CACNA2D1: variants seen among roughly 807,000 people sequenced by gnomAD.
The protein encoded by CACNA2D1 is calcium voltage-gated channel auxiliary subunit alpha2delta 1.
CACNA2D1 carries 53 observed loss-of-function variants against 171.5 expected under a neutral mutation model. The ratio of observed to expected loss-of-function variants is 0.31; its 90% confidence interval spans 0.25 to 0.39. The LOEUF (loss-of-function observed/expected upper bound fraction) is 0.39. Among genes scored for constraint, CACNA2D1 ranks in the 10% least tolerant of loss-of-function variants. The probability of loss-of-function intolerance (pLI) is 1.00; values close to 1 mark genes in which losing one functional copy is unlikely to be tolerated. For missense variants in CACNA2D1, 903 were observed against 1,299.8 expected (o/e 0.69, Z 4.69); for synonymous variants, 442 against 443.1 (o/e 1.00, Z 0.03).
chr7:82,313,586 C>T (rs1351475527), intron 3 of CACNA2D1, among the ~76,000 whole-genome samples: 3 of 152,200 alleles, frequency 2.0e-5, no homozygotes, highest in African/African-American at 7.2e-5. Context: ...TCTTGCCATG[C>T]TCCAAGCTCC....
At chr7:82,204,275 C>T (rs141018102) in intron 3 of CACNA2D1, among the ~76,000 whole-genome samples, 20 of 152,236 alleles carry the variant, frequency 1.3e-4, no homozygotes, top group Admixed American at 3.9e-4. Flanking sequence ...TAACCTGCAC[C>T]GACAGCTGGG....
intron 2 of CACNA2D1, among the ~76,000 whole-genome samples, chr7:82,341,146 T>G (rs1198038405): frequency 6.6e-6 from 1 of 152,202 alleles, no homozygotes; most frequent in Non-Finnish European, 1.5e-5. Flanking sequence ...AATGTCTTCT[T>G]TCTAAAAGGT....
chr7:82,109,963 C>T (rs952602793), intron 6 of CACNA2D1, among the ~76,000 whole-genome samples: 13 of 152,120 alleles, frequency 8.5e-5, no homozygotes, highest in South Asian at 2.1e-4. Flanking sequence ...AAGTGAATGA[C>T]GTCGTTTTTT....
At chr7:82,322,126 A>C (rs1205857128) in intron 3 of CACNA2D1, among the ~76,000 whole-genome samples, 1 of 16,964 alleles carries the variant, frequency 5.9e-5, no homozygotes. Flanking sequence ...ACTCCGTCTC[A>C]AAAAAAAAAA....
rs1159205363 is a variant in CACNA2D1 at position 82,138,426 on chromosome 7, G to GTTTTTTTTT, written c.355-1751_355-1750insAAAAAAAAA. ...TCCTGAAACATTTCTTATAGCATTA[G>GTTTTTTTTT]TTTTGTTTTTTTTGTTTTTTTTGTT... On this transcript the variant is annotated intron_variant, in intron 4 of 38. Coordinates refer to ENST00000356860, the MANE Select transcript of CACNA2D1 (RefSeq NM_000722.4). Among the ~76,000 whole-genome samples the GTTTTTTTTT allele has an allele frequency of 3.0e-5, 3 of 101,314 alleles. 1 individual carries two copies. Among genetic ancestry groups the GTTTTTTTTT allele is most frequent in the African/African-American group, 3.8e-5 (1 of 26,152 alleles). The allele number at this position is 101,314 out of a possible 152,430, so 66.5% of individuals were successfully genotyped here.
intron 6 of CACNA2D1, among the ~76,000 whole-genome samples, chr7:82,111,444 A>ATTTTTT (rs869125211): frequency 5.7e-5 from 4 of 69,968 alleles, no homozygotes; most frequent in African/African-American, 2.7e-4. Context: ...ATATATATAT[A>ATTTTTT]TTTTTTTTTT....
At chr7:82,004,745 C>G (rs1458625802) in intron 18 of CACNA2D1, among the ~76,000 whole-genome samples, 1 of 152,070 alleles carries the variant, frequency 6.6e-6, no homozygotes, top group African/African-American at 2.4e-5. Flanking sequence ...ATAAATTTTG[C>G]TATTAATGCC....
intron 10 of CACNA2D1, among the ~76,000 whole-genome samples, chr7:82,052,248 C>T (rs552749801): frequency 3.3e-5 from 5 of 152,248 alleles, no homozygotes; most frequent in South Asian, 4.1e-4. Context: ...CCACTCCCTC[C>T]TTCCTCAGTG....
At chr7:82,230,786 C>T (rs1041545317) in intron 3 of CACNA2D1, among the ~76,000 whole-genome samples, 5 of 152,116 alleles carry the variant, frequency 3.3e-5, no homozygotes, top group African/African-American at 1.2e-4. Context: ...TGGAAATATA[C>T]ATATCTCTGA....
intron 10 of CACNA2D1, among the ~76,000 whole-genome samples, chr7:82,054,978 A>C (rs1253093149): frequency 6.6e-6 from 1 of 152,204 alleles, no homozygotes; most frequent in African/African-American, 2.4e-5. Context: ...AACTAAGGCC[A>C]AAGTAAGAAA....
intron 1 of CACNA2D1, among the ~76,000 whole-genome samples, chr7:82,432,037 T>TAAAA (rs34180150): frequency 0.24 from 19,892 of 81,554 alleles, 2,857 homozygotes; most frequent in South Asian, 0.35. Flanking sequence ...GACTCTGTCT[T>TAAAA]AAAAAAAAAA....
At chr7:82,172,640 T>TTTTTTTTTTTTTTTC (rs1491222972) in intron 3 of CACNA2D1, among the ~76,000 whole-genome samples, 21 of 77,282 alleles carry the variant, frequency 2.7e-4, no homozygotes, top group African/African-American at 1.1e-3. Flanking sequence ...TTTTTTTTTT[T>TTTTTTTTTTTTTTTC]GGTAAAGATG....
At chr7:82,345,677 A>G in intron 2 of CACNA2D1, among the ~76,000 whole-genome samples, 1 of 112,968 alleles carries the variant, frequency 8.9e-6, no homozygotes, top group Non-Finnish European at 1.8e-5. Context: ...GCAGTAGCTA[A>G]AGGAGTGTGT....
intron 38 of CACNA2D1, among the ~76,000 whole-genome samples, chr7:81,953,671 A>G (rs975452602): frequency 5.3e-5 from 8 of 152,282 alleles, no homozygotes; most frequent in Admixed American, 2.6e-4. Context: ...GCACACATGG[A>G]CTGGTTAGAA....
rs1376151173 is a variant in CACNA2D1 at position 82,324,354 on chromosome 7, A to G, written c.294+10781T>C. Among the ~76,000 whole-genome samples the G allele has an allele frequency of 5.8e-5, 8 of 138,872 alleles. No individual in the cohort carries two copies. In the Admixed American group the frequency reaches 5.9e-4, roughly 10 times the overall value. The allele number at this position is 138,872 out of a possible 152,430, so 91.1% of individuals were successfully genotyped here. A position where few individuals can be genotyped will look rare whatever the true frequency, so the allele number is the denominator to read the frequency against. The stretch of plus-strand genomic sequence containing the variant: ...GCCTGGGCAACAAGAGCCAAACTCC[A>G]AAAAAAAAAAAAGAAGAAGGAAGGA... On this transcript the variant is annotated intron_variant, in intron 3 of 38. Transcript: ENST00000356860.
chr7:82,110,908 A>T (rs1788300177), intron 6 of CACNA2D1, among the ~76,000 whole-genome samples: 1 of 152,078 alleles, frequency 6.6e-6, no homozygotes, highest in Admixed American at 6.6e-5. Context: ...ATACACTATT[A>T]TTTTAATTGT....
intron 38 of CACNA2D1, among the ~76,000 whole-genome samples, chr7:81,951,209 C>G (rs1338017027): frequency 2.0e-5 from 3 of 152,068 alleles, no homozygotes; most frequent in Non-Finnish European, 4.4e-5. Context: ...TCCCCACAGT[C>G]TAGTGGTAGC....
chr7:82,393,819 A>C (rs562808535), intron 1 of CACNA2D1, among the ~76,000 whole-genome samples: 1 of 152,366 alleles, frequency 6.6e-6, no homozygotes, highest in Admixed American at 6.5e-5. Context: ...GTAAAATAAT[A>C]ACATTTGAGT....
chr7:82,119,841 T>C (rs1332145852), intron 5 of CACNA2D1, among the ~76,000 whole-genome samples: 1 of 152,184 alleles, frequency 6.6e-6, no homozygotes, highest in Non-Finnish European at 1.5e-5. Flanking sequence ...AAACTCTCTA[T>C]GGAAGTATCA....
Sources: allele counts gnomAD v4.1 joint callset (sites outside exome capture counted in the v4.1 genomes callset), GRCh38; gene constraint gnomAD v4.1.1; transcripts MANE v1.5; gene names NCBI Gene and HGNC (gene_info 2026-07-23, HGNC 2026-07-21).